The following FMNL3 variants were observed in gnomAD, a reference collection of about 807,000 sequenced individuals.
FMNL3 encodes the protein formin like 3, also known as formin-like protein 3.
A neutral mutation model predicts 119.6 loss-of-function variants in FMNL3; 57 were observed. That is an observed-to-expected ratio of 0.48 (90% CI 0.39 to 0.59). FMNL3 has a LOEUF of 0.59. Among genes scored for constraint, FMNL3 ranks in the 20% least tolerant of loss-of-function variants. The pLI, the probability that FMNL3 is intolerant of heterozygous loss-of-function variation, is 0.00. For missense variants in FMNL3, 1,053 were observed against 1,323.5 expected (o/e 0.80, Z 3.17); for synonymous variants, 491 against 507.3 (o/e 0.97, Z 0.43).
Position 49,636,691 on chromosome 12 carries a change from C to G in FMNL3, c.*9124G>C, listed in dbSNP as rs545428941. The G allele has an allele frequency of 1.2e-5, 19 of 1,613,190 alleles. No individual in the cohort carries two copies. The South Asian group carries it at 2.1e-4, about 18-fold the overall frequency. On this transcript the variant is annotated 3_prime_UTR_variant, in exon 26 of 26. Coordinates refer to ENST00000335154, the MANE Select transcript of FMNL3 (RefSeq NM_175736.5). ...GAGGGTATCCTGCTGGGACAATGCC[C>G]GCGGAACCTCCTGCCTGTCTTTAGA...
At chr12:49,677,179 T>A (rs1055101751) in intron 1 of FMNL3, among the ~76,000 whole-genome samples, 8 of 152,212 alleles carry the variant, frequency 5.3e-5, no homozygotes, top group East Asian at 1.9e-4. Context: ...TAACATCCAC[T>A]CCCCTAACAG....
chr12:49,680,718 G>A (rs1242331662), intron 1 of FMNL3, among the ~76,000 whole-genome samples: 2 of 152,188 alleles, frequency 1.3e-5, no homozygotes, highest in Non-Finnish European at 2.9e-5. Context: ...GATGTCCTAA[G>A]TGTTATATTC....
In FMNL3 at chr12:49,643,154, A is replaced by T. The variant is rs997620361; in HGVS notation, c.*2661T>A. ...GGCCCTGGGTCCTCCTCCTCTCTCG[A>T]ATTCCCAGACGAGGGCTTCTGGAGG... On this transcript the variant is annotated 3_prime_UTR_variant, in exon 26 of 26. Transcript: ENST00000335154. 5.0e-6 allele frequency: 8 copies of T among 1,598,946 alleles called. No homozygotes were observed. The highest frequency in any genetic ancestry group is 6.0e-6 in the Non-Finnish European group (7 of 1,169,350).
Position 49,647,565 on chromosome 12 carries a change from G to A in FMNL3, c.2778+138C>T. ...CTGCCCACCAGTTCACAGCTAAGAG[G>A]CCTGTCACCAGCTTGCATCGCTCCC... On this transcript the variant is annotated intron_variant, in intron 23 of 25. Coordinates refer to ENST00000335154, the MANE Select transcript of FMNL3 (RefSeq NM_175736.5). The surrounding 1 kb of genome is among the most constrained non-coding windows in gnomAD (Gnocchi z 4.9). 2 of 904,466 alleles carry A rather than the reference G, an allele frequency of 2.2e-6. No homozygotes were observed. The highest frequency in any genetic ancestry group is 3.5e-6 in the Non-Finnish European group (2 of 578,478). The allele number at this position is 904,466 out of a possible 1,614,324, so 56.0% of individuals were successfully genotyped here.
At chr12:49,679,214 G>A (rs73305098) in intron 1 of FMNL3, among the ~76,000 whole-genome samples, 26,148 of 152,116 alleles carry the variant, frequency 0.17, 3,278 homozygotes, top group African/African-American at 0.36. Flanking sequence ...CATGGAACTT[G>A]CCCCGCATCA....
intron 13 of FMNL3, 87 bp downstream of exon 13, chr12:49,653,139 T>C: frequency 8.3e-7 from 1 of 1,211,282 alleles, no homozygotes; most frequent in Non-Finnish European, 1.2e-6. Context: ...CCTAGAGAAC[T>C]TGATATGACT....
chr12:49,643,914 T>C lies in FMNL3; in HGVS notation c.*1901A>G, dbSNP rs954969064. The C allele has an allele frequency of 2.5e-6, 4 of 1,613,780 alleles. No individual in the cohort carries two copies. The highest frequency in any genetic ancestry group is 1.3e-5 in the African/African-American group (1 of 74,810). ...AGGAGAAAGCTGGCAAGGAGAGCGA[T>C]GAGAAAGAACAAGAACAGGACAAGG... On this transcript the variant is annotated 3_prime_UTR_variant, in exon 26 of 26. Transcript: ENST00000335154.
In FMNL3 at chr12:49,636,561, T is replaced by G. The variant is rs866565419; in HGVS notation, c.*9254A>C. The G allele has an allele frequency of 3.7e-5, 30 of 810,342 alleles. No individual in the cohort carries two copies. Among genetic ancestry groups the G allele is most frequent in the South Asian group, 3.7e-4 (21 of 57,532 alleles). 50.2% of individuals were successfully genotyped at this position (810,342 alleles called of 1,614,324 possible). ...CCCCTCTTAAGAACTACCATTGCAG[T>G]GGCTGCTCCCACAGAGCCCCCTCCA... On this transcript the variant is annotated 3_prime_UTR_variant, in exon 26 of 26. Transcript: ENST00000335154.
intron 2 of FMNL3, 82 bp downstream of exon 2, chr12:49,668,389 G>T: frequency 7.6e-7 from 1 of 1,320,126 alleles, no homozygotes; most frequent in Non-Finnish European, 1.1e-6. Context: ...ACCCAAGGCT[G>T]CACTCAATGC....
Position 49,637,166 on chromosome 12 carries a change from A to G in FMNL3, c.*8649T>C, listed in dbSNP as rs1451158032. 4 of 570,962 alleles carry G rather than the reference A, an allele frequency of 7.0e-6. No individual in the cohort carries two copies. The highest frequency in any genetic ancestry group is 6.6e-5 in the South Asian group (3 of 45,756). 35.4% of individuals were successfully genotyped at this position (570,962 alleles called of 1,614,324 possible). On this transcript the variant is annotated 3_prime_UTR_variant, in exon 26 of 26. Coordinates refer to ENST00000335154, the MANE Select transcript of FMNL3 (RefSeq NM_175736.5). ...CCCGACAGGCAGAGTTTATTCCCTC[A>G]GCTTGGGGGTGGCAGTGGTGGTGGT...
intron 1 of FMNL3, among the ~76,000 whole-genome samples, chr12:49,669,839 C>CAAAACAA: frequency 7.4e-6 from 1 of 135,156 alleles, no homozygotes; most frequent in African/African-American, 2.6e-5. Flanking sequence ...CTCAACAAAA[C>CAAAACAA]AAAACAAAAC....
At chr12:49,694,842 G>A (rs1486830389) in intron 1 of FMNL3, among the ~76,000 whole-genome samples, 1 of 152,022 alleles carries the variant, frequency 6.6e-6, no homozygotes, top group African/African-American at 2.4e-5. Flanking sequence ...AACCCAGGCA[G>A]CAGAGGTTGC....
intron 1 of FMNL3, among the ~76,000 whole-genome samples, chr12:49,701,552 A>C (rs1162134628): frequency 6.6e-6 from 1 of 152,206 alleles, no homozygotes; most frequent in Non-Finnish European, 1.5e-5. Flanking sequence ...GAAGCAAAAA[A>C]CCTAAATATC....
chr12:49,676,700 G>A (rs1944200549), intron 1 of FMNL3, among the ~76,000 whole-genome samples: 1 of 151,910 alleles, frequency 6.6e-6, no homozygotes, highest in South Asian at 2.1e-4. Flanking sequence ...TTGGTCTCCT[G>A]GTTAACTGGG....
chr12:49,654,853 A>G (rs562580931), intron 10 of FMNL3, 57 bp downstream of exon 10: 1 of 1,545,440 alleles, frequency 6.5e-7, no homozygotes, highest in East Asian at 2.3e-5. Context: ...CCCTGTTGTC[A>G]AGGAACACAC....
At chr12:49,682,741 TG>T (rs1944369017) in intron 1 of FMNL3, among the ~76,000 whole-genome samples, 1 of 152,214 alleles carries the variant, frequency 6.6e-6, no homozygotes, top group Non-Finnish European at 1.5e-5. Flanking sequence ...CCTCATCTCA[TG>T]TGATCTAATA....
rs182723490 is a variant in FMNL3, at chr12:49,647,389, G to A, written c.2779-21C>T. 2.9e-4 allele frequency: 467 copies of A among 1,608,164 alleles called. No homozygotes were observed. Among genetic ancestry groups the A allele is most frequent in the Non-Finnish European group, 2.9e-4 (341 of 1,178,806 alleles). On this transcript the variant is annotated intron_variant, in intron 23 of 25. Transcript: ENST00000335154. This position sits in a 1 kb window ranked among gnomAD's most constrained non-coding sequence, Gnocchi z 4.9. ...GCTTCCTAAGAGCCATGGAAGATGG[G>A]GGGTGGGGAGTGAGGCTCATAGGCT...
chr12:49,676,214 A>G (rs539245519), intron 1 of FMNL3, among the ~76,000 whole-genome samples: 1 of 152,332 alleles, frequency 6.6e-6, no homozygotes, highest in African/African-American at 2.4e-5. Flanking sequence ...GACACTTGAC[A>G]GCCTAGAATT....
Position 49,647,070 on chromosome 12 carries a change from T to G in FMNL3, c.2872-61A>C, listed in dbSNP as rs1035514376. 1 of 1,608,394 alleles carries G rather than the reference T, an allele frequency of 6.2e-7. No individual in the cohort carries two copies. The highest frequency in any genetic ancestry group is 8.5e-7 in the Non-Finnish European group (1 of 1,176,268). ...ACTAACCTAATGTGGGACTGGTTCCTGCCCCAAGGTGCAGTCTGAGGATGC... is the reference window on the plus strand; with the variant it reads ...ACTAACCTAATGTGGGACTGGTTCCGGCCCCAAGGTGCAGTCTGAGGATGC... On this transcript the variant is annotated intron_variant, in intron 24 of 25. Transcript: ENST00000335154. This position sits in a 1 kb window ranked among gnomAD's most constrained non-coding sequence, Gnocchi z 4.9.
Sources: allele counts gnomAD v4.1 joint callset (sites outside exome capture counted in the v4.1 genomes callset), GRCh38; gene constraint gnomAD v4.1.1; non-coding constraint Gnocchi (gnomAD v3.1); transcripts MANE v1.5; gene names NCBI Gene and HGNC (gene_info 2026-07-23, HGNC 2026-07-21).